The following NRG1 variants were observed in gnomAD, a reference collection of about 807,000 sequenced individuals.
The protein encoded by NRG1 is pro-neuregulin-1, membrane-bound isoform.
Under a neutral mutation model 63.8 loss-of-function variants are expected in NRG1, and 18 were observed. The observed-to-expected ratio is 0.28, with a 90% CI of 0.19 to 0.42. The LOEUF is 0.42. NRG1 is among the 10% of genes least tolerant of loss of function. The pLI is 1.00. For missense variants in NRG1, 762 were observed against 814.7 expected, an observed-to-expected ratio of 0.94 and a Z score of 0.79; for synonymous variants, 302 against 301.3, an observed-to-expected ratio of 1.00 and a Z score of -0.02.
chr8:32,053,448 C>T lies in NRG1; in HGVS notation c.37+414017C>T, dbSNP rs142705947. On this transcript the variant is annotated intron_variant, in intron 1 of 10. Transcript: ENST00000519301. ...ATTGAGCTTTATGCTCTGGGACACT[C>T]TTCTGCTCAGCTTTGTGGAATAATT... Among the ~76,000 whole-genome samples the T allele has an allele frequency of 7.6e-4, 116 of 152,312 alleles. No homozygotes were observed. The Middle Eastern group carries it at 0.014, about 18-fold the overall frequency.
At chr8:32,007,549 C>G (rs1330609991) in intron 1 of NRG1, among the ~76,000 whole-genome samples, 1 of 152,012 alleles carries the variant, frequency 6.6e-6, no homozygotes, top group Non-Finnish European at 1.5e-5. Context: ...CCCAAGGTTA[C>G]TCTTTGCAAT....
At chr8:32,527,103 T>G (rs1303214741) in intron 1 of NRG1, among the ~76,000 whole-genome samples, 2 of 152,158 alleles carry the variant, frequency 1.3e-5, no homozygotes, top group Admixed American at 1.3e-4. Flanking sequence ...GAATTAAAAA[T>G]AGAACTACCA....
intron 1 of NRG1, among the ~76,000 whole-genome samples, chr8:32,412,436 A>ATGTG (rs1225606818): frequency 4.8e-5 from 2 of 42,104 alleles, no homozygotes; most frequent in Non-Finnish European, 1.2e-4. Context: ...ATATATATAT[A>ATGTG]TATATATATA....
At chr8:32,633,295 T>C (rs963974190) in intron 5 of NRG1, among the ~76,000 whole-genome samples, 2 of 152,216 alleles carry the variant, frequency 1.3e-5, no homozygotes, top group African/African-American at 4.8e-5. Flanking sequence ...ATTAAATTAC[T>C]ACGACAGCCT....
exon 12 of NRG1, chr8:32,766,658 CTTACAATGA>C (rs1228485262): frequency 6.6e-6 from 1 of 152,200 alleles, no homozygotes; most frequent in Non-Finnish European, 1.5e-5. Flanking sequence ...CAACATGTTT[CTTACAATGA>C]GAATTGCTAT....
chr8:32,238,327 C>T (rs1847776517), intron 1 of NRG1, among the ~76,000 whole-genome samples: 1 of 151,666 alleles, frequency 6.6e-6, no homozygotes, highest in Non-Finnish European at 1.5e-5. Context: ...GGCTTGGTGA[C>T]ATGCACCTAT....
intron 4 of NRG1, 135 bp from the exon 5 acceptor site, chr8:32,616,699 TA>T: frequency 1.4e-6 from 1 of 728,216 alleles, no homozygotes; most frequent in South Asian, 1.5e-5. Context: ...TTCTGACTTA[TA>T]AATGCTTCAG....
intron 1 of NRG1, among the ~76,000 whole-genome samples, chr8:32,429,203 T>C (rs541136014): frequency 6.6e-6 from 1 of 152,138 alleles, no homozygotes; most frequent in Non-Finnish European, 1.5e-5. Flanking sequence ...ATACAAAGTG[T>C]TTATCCAAAG....
At chr8:32,412,463 T>TAC (rs1554532952) in intron 1 of NRG1, among the ~76,000 whole-genome samples, 63 of 115,244 alleles carry the variant, frequency 5.5e-4, no homozygotes, top group Middle Eastern at 4.7e-3. Flanking sequence ...CATATATATA[T>TAC]ATATATATAT....
intron 1 of NRG1, among the ~76,000 whole-genome samples, chr8:31,961,592 T>C (rs994953997): frequency 6.6e-6 from 1 of 152,208 alleles, no homozygotes; most frequent in African/African-American, 2.4e-5. Flanking sequence ...ATCACTTCTT[T>C]GATAAGATAC....
intron 1 of NRG1, among the ~76,000 whole-genome samples, chr8:32,232,517 C>A (rs1314040436): frequency 1.3e-5 from 2 of 152,030 alleles, no homozygotes; most frequent in Non-Finnish European, 2.9e-5. Context: ...CATAGAGTTG[C>A]TGGGATATTA....
At chr8:32,475,001 G>A (rs1824329152) in intron 1 of NRG1, among the ~76,000 whole-genome samples, 2 of 152,122 alleles carry the variant, frequency 1.3e-5, no homozygotes, top group African/African-American at 4.8e-5. Context: ...CATAGACAAT[G>A]CTTCCTCCCC....
At chr8:31,851,462 A>G (rs1458300035) in intron 1 of NRG1, among the ~76,000 whole-genome samples, 3 of 152,212 alleles carry the variant, frequency 2.0e-5, no homozygotes, top group African/African-American at 7.2e-5. Flanking sequence ...TTGTTTTGAT[A>G]TAATTAGAAG....
chr8:31,946,868 A>C (rs942790931), intron 1 of NRG1, among the ~76,000 whole-genome samples: 1 of 152,192 alleles, frequency 6.6e-6, no homozygotes, highest in African/African-American at 2.4e-5. Context: ...GATACCTATA[A>C]AAGATAGATT....
chr8:32,042,003 A>G (rs1021747924), intron 1 of NRG1, among the ~76,000 whole-genome samples: 2 of 152,234 alleles, frequency 1.3e-5, no homozygotes, highest in Non-Finnish European at 2.9e-5. Flanking sequence ...CATACAGGAT[A>G]TATCTGAATA....
At chr8:31,776,685 C>T (rs1402952174) in intron 1 of NRG1, among the ~76,000 whole-genome samples, 1 of 152,160 alleles carries the variant, frequency 6.6e-6, no homozygotes, top group African/African-American at 2.4e-5. Flanking sequence ...GCTATTCCTC[C>T]CCCTCCCCCT....
intron 1 of NRG1, among the ~76,000 whole-genome samples, chr8:32,397,788 T>C (rs894480265): frequency 2.0e-5 from 3 of 152,316 alleles, no homozygotes; most frequent in African/African-American, 7.2e-5. Flanking sequence ...CTATTGCAGG[T>C]TTTTTATGCA....
At chr8:32,715,727 C>T (rs575863944) in intron 5 of NRG1, among the ~76,000 whole-genome samples, 55 of 151,624 alleles carry the variant, frequency 3.6e-4, no homozygotes, top group African/African-American at 1.3e-3. Flanking sequence ...CAGCCTCCGC[C>T]TCCCTGGTTC....
At chr8:32,711,107 G>A (rs1425521658) in intron 5 of NRG1, among the ~76,000 whole-genome samples, 1 of 152,056 alleles carries the variant, frequency 6.6e-6, no homozygotes, top group South Asian at 2.1e-4. Flanking sequence ...TGAAAGAGGC[G>A]TCATCGGGCA....
Sources: gnomAD v4.1 joint callset for allele counts (sites outside exome capture counted in the v4.1 genomes callset) on GRCh38, gnomAD v4.1.1 for gene constraint, MANE v1.5 for transcripts, NCBI Gene and HGNC (gene_info 2026-07-23, HGNC 2026-07-21) for gene names.